Variants in DENND1A observed in about 807,000 individuals in gnomAD.
DENND1A encodes DENN domain containing 1A, also known as DENN domain-containing protein 1A.
Under a neutral mutation model 113.7 loss-of-function variants are expected in DENND1A, and 51 were observed. That is an observed-to-expected ratio of 0.45 (90% CI 0.36 to 0.57). The LOEUF (loss-of-function observed/expected upper bound fraction) is 0.57, where lower values mean the gene tolerates loss of function less well. Ranked by LOEUF, DENND1A falls within the 20% of genes least tolerant of loss-of-function variation. DENND1A has a pLI of 0.00. For missense variants in DENND1A, 1,258 were observed against 1,395.9 expected, an observed-to-expected ratio of 0.90 and a Z score of 1.57; for synonymous variants, 565 against 570.8, an observed-to-expected ratio of 0.99 and a Z score of 0.14.
intron 2 of DENND1A, among the ~76,000 whole-genome samples, chr9:123,873,432 C>A (rs1282906233): frequency 1.3e-5 from 2 of 152,164 alleles, no homozygotes; most frequent in Non-Finnish European, 2.9e-5. Flanking sequence ...CAATACATGA[C>A]TTCACTAGTG....
intron 13 of DENND1A, among the ~76,000 whole-genome samples, chr9:123,462,330 C>T (rs1018001363): frequency 1.3e-5 from 2 of 152,248 alleles, no homozygotes; most frequent in Non-Finnish European, 2.9e-5. Flanking sequence ...GAGGTAAAGA[C>T]ATCTGCCCAG....
Position 123,769,746 on chromosome 9 carries a change from A to C in DENND1A, c.133-183T>G, listed in dbSNP as rs536032674. The stretch of plus-strand genomic sequence containing the variant: ...ATCATGAGAAATAATAAACATGATC[A>C]AACTTCATTAAAAATGAAAAATTAA... On this transcript the variant is annotated intron_variant, in intron 3 of 23. Transcript: ENST00000394215. 4.6e-5 allele frequency among the ~76,000 whole-genome samples: 7 copies of C among 152,306 alleles called. No homozygotes were observed. The South Asian group carries it at 1.2e-3, about 27-fold the overall frequency.
At chr9:123,851,049 A>T (rs1288468476) in intron 2 of DENND1A, among the ~76,000 whole-genome samples, 1 of 152,218 alleles carries the variant, frequency 6.6e-6, no homozygotes, top group Non-Finnish European at 1.5e-5. Context: ...AATGAAAAAA[A>T]AATAAGAAAA....
At chr9:123,810,189 T>C (rs1021052900) in intron 2 of DENND1A, among the ~76,000 whole-genome samples, 5 of 152,172 alleles carry the variant, frequency 3.3e-5, no homozygotes, top group Admixed American at 6.5e-5. Context: ...TCCTCCTCAA[T>C]TTGCATTTCC....
chr9:123,635,081 G>C, intron 9 of DENND1A, among the ~76,000 whole-genome samples: 1 of 123,512 alleles, frequency 8.1e-6, no homozygotes. Flanking sequence ...AAAATCACAA[G>C]GACACATTTT....
At chr9:123,479,356 C>A (rs2050156384) in intron 13 of DENND1A, among the ~76,000 whole-genome samples, 1 of 152,212 alleles carries the variant, frequency 6.6e-6, no homozygotes, top group Non-Finnish European at 1.5e-5. Context: ...CCATTATAGC[C>A]ATGCTTTTCA....
chr9:123,528,479 A>C lies in DENND1A; in HGVS notation c.993+29091T>G, dbSNP rs148648667. On this transcript the variant is annotated intron_variant, in intron 13 of 23. Coordinates refer to ENST00000394215, the MANE Select transcript of DENND1A (RefSeq NM_001352964.2). ...CATGGATCCCTAGCTAGAATTTTAG[A>C]AGTTATCCTAGACCATTCCCTTTCC... Among the ~76,000 whole-genome samples the C allele has an allele frequency of 1.7e-3, 257 of 152,266 alleles. 2 individuals carry two copies. The highest frequency in any genetic ancestry group is 6.0e-3 in the African/African-American group (251 of 41,548).
At chr9:123,810,566 A>AAC (rs1554767128) in intron 2 of DENND1A, among the ~76,000 whole-genome samples, 2 of 149,730 alleles carry the variant, frequency 1.3e-5, no homozygotes, top group Non-Finnish European at 2.9e-5. Context: ...AAAAAAAAAA[A>AAC]AAACAAACAT....
chr9:123,594,696 T>C (rs1327549795), intron 11 of DENND1A, among the ~76,000 whole-genome samples: 1 of 152,128 alleles, frequency 6.6e-6, no homozygotes, highest in African/African-American at 2.4e-5. Context: ...GATTAAATAA[T>C]TTGCCCGTGT....
chr9:123,451,085 T>C (rs1213456927), intron 17 of DENND1A, among the ~76,000 whole-genome samples: 1 of 152,192 alleles, frequency 6.6e-6, no homozygotes, highest in Admixed American at 6.5e-5. Flanking sequence ...GCCGTATTTC[T>C]GGCTGGAAGA....
intron 2 of DENND1A, among the ~76,000 whole-genome samples, chr9:123,798,834 A>G (rs917049301): frequency 6.6e-6 from 1 of 151,816 alleles, no homozygotes. Flanking sequence ...AAATTTAAAT[A>G]TTTGGAATTT....
At chr9:123,577,957 C>A (rs2058709823) in intron 12 of DENND1A, among the ~76,000 whole-genome samples, 1 of 152,218 alleles carries the variant, frequency 6.6e-6, no homozygotes, top group African/African-American at 2.4e-5. Flanking sequence ...CCAACAAGAT[C>A]TCTGACTCTG....
At chr9:123,748,610 G>C (rs185075880) in intron 5 of DENND1A, among the ~76,000 whole-genome samples, 1 of 152,294 alleles carries the variant, frequency 6.6e-6, no homozygotes, top group African/African-American at 2.4e-5. Flanking sequence ...GCTCTTAAGA[G>C]TGTAGCTTAG....
intron 10 of DENND1A, among the ~76,000 whole-genome samples, chr9:123,614,478 ATTTG>A (rs1248512439): frequency 4.6e-5 from 7 of 152,124 alleles, no homozygotes; most frequent in Non-Finnish European, 8.8e-5. Context: ...CACTTTCACA[ATTTG>A]TTTAATTCCT....
At chr9:123,597,557 G>A (rs758845519) in intron 11 of DENND1A, among the ~76,000 whole-genome samples, 1 of 152,202 alleles carries the variant, frequency 6.6e-6, no homozygotes, top group Non-Finnish European at 1.5e-5. Context: ...TCTGCAGAGT[G>A]AGAAGTGAGA....
At chr9:123,638,900 T>C (rs1300543505) in intron 9 of DENND1A, among the ~76,000 whole-genome samples, 3 of 152,002 alleles carry the variant, frequency 2.0e-5, no homozygotes, top group Non-Finnish European at 4.4e-5. Flanking sequence ...GGATCTATAC[T>C]ATTGCTTTAA....
chr9:123,637,345 G>A (rs1420964831), intron 9 of DENND1A, among the ~76,000 whole-genome samples: 2 of 152,160 alleles, frequency 1.3e-5, no homozygotes, highest in African/African-American at 2.4e-5. Flanking sequence ...GTGTGTCTTG[G>A]GAAGTTGTTC....
At chr9:123,685,562 T>C (rs1433828960) in intron 5 of DENND1A, among the ~76,000 whole-genome samples, 1 of 152,238 alleles carries the variant, frequency 6.6e-6, no homozygotes, top group Non-Finnish European at 1.5e-5. Context: ...GGCTCTTTTC[T>C]TTCTTGATGG....
In DENND1A at chr9:123,491,413, T is replaced by A. The variant is rs528030261; in HGVS notation, c.994-33516A>T. Reference sequence around the variant, plus strand: ...CTCCTTCAGGTAGTCTTCTGGGAGGTCAAGGCTTGTTCTGGCCAGCCTCAC... The same window carrying A: ...CTCCTTCAGGTAGTCTTCTGGGAGGACAAGGCTTGTTCTGGCCAGCCTCAC... On this transcript the variant is annotated intron_variant, in intron 13 of 23. Transcript: ENST00000394215. Among the ~76,000 whole-genome samples, 5 of 152,182 alleles carry A rather than the reference T, an allele frequency of 3.3e-5. No individual in the cohort carries two copies. In the East Asian group the frequency reaches 9.7e-4, roughly 29 times the overall value.
Sources: gnomAD v4.1 joint callset for allele counts (sites outside exome capture counted in the v4.1 genomes callset) on GRCh38, gnomAD v4.1.1 for gene constraint, MANE v1.5 for transcripts, NCBI Gene and HGNC (gene_info 2026-07-23, HGNC 2026-07-21) for gene names.